The following BICD1 variants were observed in gnomAD, a reference collection of about 807,000 sequenced individuals.
The protein encoded by BICD1 is protein bicaudal D homolog 1.
A neutral mutation model predicts 92.5 loss-of-function variants in BICD1; 35 were observed. That is an observed-to-expected ratio of 0.38 (90% CI 0.29 to 0.50). The LOEUF is 0.50. Ranked by LOEUF, BICD1 falls within the 20% of genes least tolerant of loss-of-function variation. The pLI is 0.93. For synonymous variants in BICD1, 429 were observed against 465.1 expected, an observed-to-expected ratio of 0.92 and a Z score of 1.00; for missense variants, 950 against 1,189.8, an observed-to-expected ratio of 0.80 and a Z score of 2.97.
chr12:32,244,314 G>C (rs1217175391), intron 2 of BICD1, among the ~76,000 whole-genome samples: 1 of 152,068 alleles, frequency 6.6e-6, no homozygotes, highest in Non-Finnish European at 1.5e-5. Flanking sequence ...GTCTCTCTTT[G>C]CCTTTCCCCT....
chr12:32,111,750 C>G (rs930466114), intron 1 of BICD1, among the ~76,000 whole-genome samples: 3 of 151,516 alleles, frequency 2.0e-5, no homozygotes, highest in Admixed American at 1.3e-4. Context: ...TGAGACTACA[C>G]GCATTCACCA....
At chr12:32,368,229 T>A (rs1939597367) in intron 9 of BICD1, among the ~76,000 whole-genome samples, 1 of 152,232 alleles carries the variant, frequency 6.6e-6, no homozygotes, top group East Asian at 1.9e-4. Flanking sequence ...TTTGTCAATT[T>A]AAAAAAATAA....
In BICD1 at chr12:32,301,041, T is replaced by C. The variant is rs934198490; in HGVS notation, c.580-4656T>C. Among the ~76,000 whole-genome samples, 8 of 152,288 alleles carry C rather than the reference T, an allele frequency of 5.3e-5. No individual in the cohort carries two copies. The South Asian group carries it at 1.0e-3, about 20-fold the overall frequency. The stretch of plus-strand genomic sequence containing the variant: ...AGCAATTTCCAAGTTGCCTTTCTTA[T>C]AACCACACTGAGGGCAATCCTTGCT... On this transcript the variant is annotated intron_variant, in intron 3 of 9. Transcript: ENST00000652176.
Position 32,305,683 on chromosome 12 carries a change from C to A in BICD1, c.580-14C>A. On this transcript the variant is annotated splice_polypyrimidine_tract_variant and intron_variant, in intron 3 of 9. Transcript: ENST00000652176. Reference sequence around the variant, plus strand: ...TTTTAGTTTTATGAATCTTCTTTATCCTGTCTGATTCAGGTTGAATACGAA... The same window carrying A: ...TTTTAGTTTTATGAATCTTCTTTATACTGTCTGATTCAGGTTGAATACGAA... 1 of 1,587,910 alleles carries A rather than the reference C, an allele frequency of 6.3e-7. No individual in the cohort carries two copies. The highest frequency in any genetic ancestry group is 8.6e-7 in the Non-Finnish European group (1 of 1,168,484).
intron 1 of BICD1, among the ~76,000 whole-genome samples, chr12:32,116,430 GTC>G (rs1205236689): frequency 2.0e-5 from 3 of 149,438 alleles, no homozygotes; most frequent in African/African-American, 7.4e-5. Context: ...CTTGTACTAT[GTC>G]TCTGTCTCTG....
chr12:32,230,451 C>A (rs905385072), intron 2 of BICD1, among the ~76,000 whole-genome samples: 1 of 139,590 alleles, frequency 7.2e-6, no homozygotes, highest in Non-Finnish European at 1.6e-5. Flanking sequence ...AATAAGCAAG[C>A]AAATAAATAA....
chr12:32,286,646 T>G (rs1023108974), intron 2 of BICD1, among the ~76,000 whole-genome samples: 2 of 152,194 alleles, frequency 1.3e-5, no homozygotes, highest in Non-Finnish European at 2.9e-5. Flanking sequence ...TTAGGTGTAT[T>G]TTATTTCAAA....
intron 2 of BICD1, among the ~76,000 whole-genome samples, chr12:32,256,157 A>T (rs1232622753): frequency 6.6e-6 from 1 of 151,998 alleles, no homozygotes; most frequent in Non-Finnish European, 1.5e-5. Flanking sequence ...GGCTCAAGCA[A>T]TCCTCCTGTC....
In BICD1 at chr12:32,208,521, A is replaced by G. The variant is rs143768841; in HGVS notation, c.214-7726A>G. On this transcript the variant is annotated intron_variant, in intron 1 of 9. Coordinates refer to ENST00000652176, the MANE Select transcript of BICD1 (RefSeq NM_001714.4). Reference sequence around the variant, plus strand: ...CACTCTTAACCTCTTTTGGCCTTTTATGAGTACATCTGCCCTTTCAAGGAT... The same window carrying G: ...CACTCTTAACCTCTTTTGGCCTTTTGTGAGTACATCTGCCCTTTCAAGGAT... Among the ~76,000 whole-genome samples the G allele has an allele frequency of 2.0e-3, 299 of 152,324 alleles. 1 individual carries two copies. The highest frequency in any genetic ancestry group is 6.5e-3 in the African/African-American group (271 of 41,568).
At position 32,334,542 on chromosome 12, in the gene BICD1, C is replaced by G. The variant is rs757719299; in HGVS notation, c.2127C>G (p.Leu709=). 1.2e-6 allele frequency: 2 copies of G among 1,610,754 alleles called. No individual in the cohort carries two copies. Among genetic ancestry groups the G allele is most frequent in the Non-Finnish European group, 1.7e-6 (2 of 1,178,492 alleles). The stretch of plus-strand genomic sequence containing the variant: ...CAGCTGAGGTGGCGCTAGCTAATCT[C>G]AAGAACAAATATGAAAATGAAAAAG... ...KQTAEVALAN[L]KNKYENEKAM... Residue 709 remains leucine (L), a synonymous_variant, in exon 6 of 10, where the codon CTC becomes CTG. Transcript: ENST00000652176.
intron 2 of BICD1, among the ~76,000 whole-genome samples, chr12:32,252,149 T>TTATATTTATAA (rs1946577854): frequency 1.4e-4 from 5 of 34,978 alleles, no homozygotes; most frequent in African/African-American, 2.8e-4. Flanking sequence ...ATATTATATA[T>TTATATTTATAA]TACATATTAT....
At chr12:32,130,932 G>C (rs1215963296) in intron 1 of BICD1, among the ~76,000 whole-genome samples, 10 of 152,036 alleles carry the variant, frequency 6.6e-5, no homozygotes, top group Admixed American at 2.0e-4. Context: ...CTGCCTTTCG[G>C]GTTCAAGCAA....
intron 3 of BICD1, among the ~76,000 whole-genome samples, chr12:32,296,246 G>GTTTTTTTTT: frequency 9.2e-6 from 1 of 108,610 alleles, no homozygotes; most frequent in Non-Finnish European, 1.8e-5. Context: ...ATAAGAAGGG[G>GTTTTTTTTT]TTTTTTTTTG....
At chr12:32,212,284 A>G (rs1244119213) in intron 1 of BICD1, among the ~76,000 whole-genome samples, 1 of 152,058 alleles carries the variant, frequency 6.6e-6, no homozygotes, top group Non-Finnish European at 1.5e-5. Flanking sequence ...GTTTTTTATA[A>G]GTTGTTTCTT....
chr12:32,244,082 C>T (rs1436786861), intron 2 of BICD1, among the ~76,000 whole-genome samples: 1 of 137,802 alleles, frequency 7.3e-6, no homozygotes, highest in Non-Finnish European at 1.5e-5. Flanking sequence ...TCTTTATCTG[C>T]TATTTCAAAA....
At chr12:32,122,634 T>C (rs73307909) in intron 1 of BICD1, among the ~76,000 whole-genome samples, 104 of 152,326 alleles carry the variant, frequency 6.8e-4, no homozygotes, top group African/African-American at 2.5e-3. Flanking sequence ...ATAAGTAATA[T>C]ATTTTTGTAA....
Position 32,202,891 on chromosome 12 carries a change from G to A in BICD1, c.214-13356G>A, listed in dbSNP as rs1338821089. Among the ~76,000 whole-genome samples the A allele has an allele frequency of 3.3e-5, 5 of 152,316 alleles. 1 individual carries two copies. The highest frequency in any genetic ancestry group is 2.9e-5 in the Non-Finnish European group (2 of 68,028). On this transcript the variant is annotated intron_variant, in intron 1 of 9. Coordinates refer to ENST00000652176, the MANE Select transcript of BICD1 (RefSeq NM_001714.4). The stretch of plus-strand genomic sequence containing the variant: ...CTCCCCAAATGCTGGGATTATAGGC[G>A]TGAGCCACCGCACCAGGCCCAAAGT...
At chr12:32,362,343 A>G (rs1939361968) in intron 8 of BICD1, among the ~76,000 whole-genome samples, 1 of 152,174 alleles carries the variant, frequency 6.6e-6, no homozygotes, top group East Asian at 1.9e-4. Flanking sequence ...CTGGGCAACA[A>G]GAGCGAAACT....
chr12:32,259,054 G>A (rs542446728), intron 2 of BICD1, among the ~76,000 whole-genome samples: 4 of 152,160 alleles, frequency 2.6e-5, no homozygotes, highest in African/African-American at 4.8e-5. Context: ...TGGCATTACC[G>A]CTTGACCAGG....
Sources: gnomAD v4.1 joint callset for allele counts (sites outside exome capture counted in the v4.1 genomes callset) on GRCh38, gnomAD v4.1.1 for gene constraint, MANE v1.5 for transcripts, NCBI Gene and HGNC (gene_info 2026-07-23, HGNC 2026-07-21) for gene names.